RBMS3: variants seen among roughly 807,000 people sequenced by gnomAD.
The protein encoded by RBMS3 is RNA binding motif single stranded interacting protein 3, also known as RNA-binding motif, single-stranded-interacting protein 3.
A neutral mutation model predicts 66.8 loss-of-function variants in RBMS3; 27 were observed. That is an observed-to-expected ratio of 0.40 (90% CI 0.30 to 0.56). The LOEUF (loss-of-function observed/expected upper bound fraction) is 0.56. Among genes scored for constraint, RBMS3 ranks in the 20% least tolerant of loss-of-function variants. RBMS3 has a pLI of 0.40. For missense variants in RBMS3, 513 were observed against 549.5 expected (o/e 0.93, Z 0.66); for synonymous variants, 188 against 183.0 (o/e 1.03, Z -0.22).
chr3:29,310,133 G>T (rs1178330152), intron 1 of RBMS3, among the ~76,000 whole-genome samples: 3 of 151,770 alleles, frequency 2.0e-5, no homozygotes, highest in Middle Eastern at 3.4e-3. Context: ...GGCACAGGTG[G>T]AGCAATTGGC....
chr3:29,671,415 C>G (rs936175516), intron 4 of RBMS3, among the ~76,000 whole-genome samples: 2 of 152,194 alleles, frequency 1.3e-5, no homozygotes, highest in South Asian at 4.1e-4. Flanking sequence ...TAGAACAAAG[C>G]TGGACGGAGA....
At chr3:29,531,335 T>C (rs554316128) in intron 3 of RBMS3, among the ~76,000 whole-genome samples, 1 of 152,364 alleles carries the variant, frequency 6.6e-6, no homozygotes, top group South Asian at 2.1e-4. Context: ...AGAAGGACCG[T>C]TGTAGTCAAA....
chr3:29,589,070 A>G (rs1326800844), intron 4 of RBMS3, among the ~76,000 whole-genome samples: 1 of 152,140 alleles, frequency 6.6e-6, no homozygotes, highest in African/African-American at 2.4e-5. Context: ...CAGAATATGT[A>G]TAGTTAGTTG....
intron 3 of RBMS3, among the ~76,000 whole-genome samples, chr3:29,553,807 TTAA>T (rs2046257379): frequency 1.1e-5 from 1 of 88,770 alleles, no homozygotes; most frequent in South Asian, 3.3e-4. Context: ...AACTGGCTAA[TTAA>T]AAAAAAAAAA....
At chr3:29,699,697 T>C (rs528968147) in intron 4 of RBMS3, among the ~76,000 whole-genome samples, 1 of 152,320 alleles carries the variant, frequency 6.6e-6, no homozygotes, top group African/African-American at 2.4e-5. Flanking sequence ...CCGCATAGTA[T>C]GGTAATATTA....
At chr3:29,726,467 C>G (rs2149328896) in intron 4 of RBMS3, among the ~76,000 whole-genome samples, 1 of 152,178 alleles carries the variant, frequency 6.6e-6, no homozygotes, top group East Asian at 1.9e-4. Context: ...ACACCATTGT[C>G]TCAGCGCAAA....
At chr3:29,916,673 T>G (rs573157586) in intron 10 of RBMS3, among the ~76,000 whole-genome samples, 1 of 152,066 alleles carries the variant, frequency 6.6e-6, no homozygotes, top group Non-Finnish European at 1.5e-5. Flanking sequence ...ACCAAAAATA[T>G]GTGGGTTGTA....
chr3:29,810,159 G>C (rs956805230), intron 6 of RBMS3, among the ~76,000 whole-genome samples: 3 of 151,948 alleles, frequency 2.0e-5, no homozygotes, highest in African/African-American at 7.3e-5. Context: ...TTGACACAAT[G>C]TTTCCTTTAA....
intron 3 of RBMS3, among the ~76,000 whole-genome samples, chr3:29,507,012 T>TAAAAA (rs3043394): frequency 1.1e-4 from 16 of 144,826 alleles, no homozygotes; most frequent in East Asian, 6.1e-4. Flanking sequence ...TTTGTTTGTT[T>TAAAAA]AAAAAAAAAA....
chr3:29,696,430 T>C (rs1183031270), intron 4 of RBMS3, among the ~76,000 whole-genome samples: 1 of 152,176 alleles, frequency 6.6e-6, no homozygotes, highest in African/African-American at 2.4e-5. Flanking sequence ...CTAAATTATG[T>C]TTTATTCAAG....
chr3:29,489,574 G>A (rs144307966), intron 3 of RBMS3, among the ~76,000 whole-genome samples: 8 of 151,002 alleles, frequency 5.3e-5, no homozygotes, highest in East Asian at 3.9e-4. Context: ...GTGTAACAGC[G>A]GTATCTAAAA....
intron 1 of RBMS3, among the ~76,000 whole-genome samples, chr3:29,283,381 C>T (rs1367688573): frequency 6.6e-6 from 1 of 151,998 alleles, no homozygotes; most frequent in Admixed American, 6.6e-5. Context: ...TTCTTTTAAC[C>T]TATTACTAAC....
intron 12 of RBMS3, among the ~76,000 whole-genome samples, chr3:29,944,999 T>C (rs1457150000): frequency 1.3e-5 from 2 of 151,760 alleles, no homozygotes; most frequent in Admixed American, 1.3e-4. Context: ...TTCTTGTGCT[T>C]TCATTTTGAT....
rs796201641 is a variant in RBMS3 at position 29,662,285 on chromosome 3, T to A, written c.399+75080T>A. Among the ~76,000 whole-genome samples, 7 of 152,200 alleles carry A rather than the reference T, an allele frequency of 4.6e-5. 1 individual carries two copies. The highest frequency in any genetic ancestry group is 1.7e-4 in the African/African-American group (7 of 41,532). ...GAGAGCCCAGTTACACACTTTGACA[T>A]CTCCTAGTTTTTCAACAGAAGAACC... On this transcript the variant is annotated intron_variant, in intron 4 of 14. Coordinates refer to ENST00000383767, the MANE Select transcript of RBMS3 (RefSeq NM_001003793.3).
At chr3:29,456,832 A>G (rs1442554802) in intron 2 of RBMS3, among the ~76,000 whole-genome samples, 1 of 152,226 alleles carries the variant, frequency 6.6e-6, no homozygotes, top group Non-Finnish European at 1.5e-5. Flanking sequence ...TCCTGACAAT[A>G]CACAGGTGAA....
chr3:29,496,713 A>G (rs1191174698), intron 3 of RBMS3, among the ~76,000 whole-genome samples: 3 of 152,178 alleles, frequency 2.0e-5, no homozygotes, highest in Non-Finnish European at 4.4e-5. Flanking sequence ...TTATGTTATG[A>G]TTATTTAGTG....
At chr3:29,834,323 T>A (rs1156991410) in intron 6 of RBMS3, among the ~76,000 whole-genome samples, 2 of 152,084 alleles carry the variant, frequency 1.3e-5, no homozygotes, top group Non-Finnish European at 2.9e-5. Flanking sequence ...AATGGTAGTG[T>A]GTTAATTACT....
At chr3:29,683,682 A>C (rs2051595764) in intron 4 of RBMS3, among the ~76,000 whole-genome samples, 1 of 152,226 alleles carries the variant, frequency 6.6e-6, no homozygotes, top group South Asian at 2.1e-4. Context: ...TGATAAGGCG[A>C]CAGAAAATAT....
rs1383115579 is a variant in RBMS3, at chr3:29,873,911, C to T, written c.744+4947C>T. ...CATTTATTAATTGTCATGTGTTGAA[C>T]CAACCCTGCATGCCAGTGATGAAGC... On this transcript the variant is annotated intron_variant, in intron 7 of 14. Transcript: ENST00000383767. Among the ~76,000 whole-genome samples, 7 of 152,252 alleles carry T rather than the reference C, an allele frequency of 4.6e-5. No individual in the cohort carries two copies. The South Asian group carries it at 8.3e-4, about 18-fold the overall frequency.
Sources: gnomAD v4.1 joint callset for allele counts (sites outside exome capture counted in the v4.1 genomes callset) on GRCh38, gnomAD v4.1.1 for gene constraint, MANE v1.5 for transcripts, NCBI Gene and HGNC (gene_info 2026-07-23, HGNC 2026-07-21) for gene names.